Variants in CAST observed in about 807,000 individuals in gnomAD.
CAST encodes calpastatin, also known as MIR583 host.
In CAST, 76 loss-of-function variants were observed where a neutral mutation model predicts 119.6. That is an observed-to-expected ratio of 0.64 (90% CI 0.53 to 0.77). The LOEUF (loss-of-function observed/expected upper bound fraction) is 0.77. Among genes scored for constraint, CAST ranks in the 30% least tolerant of loss-of-function variants. The pLI, the probability that CAST is intolerant of heterozygous loss-of-function variation, is 0.00. For synonymous variants in CAST, 319 were observed against 331.6 expected (o/e 0.96, Z 0.41); for missense variants, 953 against 946.5 (o/e 1.01, Z -0.09).
At chr5:96,227,884 A>G in the CAST span, among the ~76,000 whole-genome samples, 1 of 152,136 alleles carries the variant, frequency 6.6e-6, no homozygotes, top group Non-Finnish European at 1.5e-5. Flanking sequence ...GTTTTGGCCA[A>G]CAATGTGTAA....
chr5:96,534,875 GAAAGAAAA>G (rs1474039532), intron 1 of CAST, among the ~76,000 whole-genome samples: 1 of 136,360 alleles, frequency 7.3e-6, no homozygotes, highest in East Asian at 2.2e-4. Flanking sequence ...GAAGGAGAAA[GAAAGAAAA>G]GAAAGAAAGA....
At chr5:96,400,930 AC>A in the CAST span, among the ~76,000 whole-genome samples, 1 of 151,452 alleles carries the variant, frequency 6.6e-6, no homozygotes, top group East Asian at 1.9e-4. Flanking sequence ...TACTAAAAAT[AC>A]AAAAAATTAG....
chr5:96,300,918 G>C, the CAST span, among the ~76,000 whole-genome samples: 6 of 145,856 alleles, frequency 4.1e-5, no homozygotes, highest in Non-Finnish European at 7.4e-5. Flanking sequence ...CGTTAATATA[G>C]AGAAATGCTA....
chr5:96,113,372 C>T, the CAST span, among the ~76,000 whole-genome samples: 3 of 152,228 alleles, frequency 2.0e-5, no homozygotes, highest in Admixed American at 2.0e-4. Flanking sequence ...GTGGGAACAA[C>T]AAACAGAAGT....
the CAST span, among the ~76,000 whole-genome samples, chr5:96,489,617 A>G: frequency 6.6e-6 from 1 of 152,100 alleles, no homozygotes; most frequent in Non-Finnish European, 1.5e-5. Context: ...GTAGGACTCA[A>G]TTTGCATGCT....
chr5:96,724,848 TA>T (rs34003204), intron 4 of CAST, among the ~76,000 whole-genome samples: 4 of 151,856 alleles, frequency 2.6e-5, no homozygotes, highest in African/African-American at 9.7e-5. Flanking sequence ...AATAAATAAA[TA>T]AATAATCTCA....
chr5:96,108,229 A>G, the CAST span, among the ~76,000 whole-genome samples: 1 of 152,208 alleles, frequency 6.6e-6, no homozygotes, highest in African/African-American at 2.4e-5. Context: ...CAGCTCGTCA[A>G]AGTCATTCTC....
chr5:96,544,275 A>G (rs1745965474), intron 1 of CAST, among the ~76,000 whole-genome samples: 2 of 152,142 alleles, frequency 1.3e-5, no homozygotes, highest in Non-Finnish European at 1.5e-5. Flanking sequence ...TCCTGTACAT[A>G]TTTTGCTAGA....
chr5:96,622,487 C>T (rs1747631663), intron 1 of CAST, among the ~76,000 whole-genome samples: 1 of 152,180 alleles, frequency 6.6e-6, no homozygotes, highest in African/African-American at 2.4e-5. Context: ...GGTCAGCTGT[C>T]ACTGGTGAAA....
At chr5:96,152,247 C>T in the CAST span, among the ~76,000 whole-genome samples, 1 of 152,188 alleles carries the variant, frequency 6.6e-6, no homozygotes, top group Non-Finnish European at 1.5e-5. Context: ...TGCTGATATA[C>T]ATTTGCTCAG....
intron 4 of CAST, among the ~76,000 whole-genome samples, chr5:96,725,587 T>C (rs1038657814): frequency 1.3e-5 from 2 of 152,212 alleles, no homozygotes; most frequent in Non-Finnish European, 2.9e-5. Context: ...CATTAGTTAT[T>C]ATGGTCATCA....
the CAST span, among the ~76,000 whole-genome samples, chr5:96,082,431 G>A: frequency 2.6e-5 from 4 of 152,208 alleles, no homozygotes; most frequent in Non-Finnish European, 5.9e-5. Flanking sequence ...CCATTCATGA[G>A]CAGCAGAAGG....
chr5:96,355,044 G>T, the CAST span, among the ~76,000 whole-genome samples: 1 of 151,820 alleles, frequency 6.6e-6, no homozygotes, highest in African/African-American at 2.4e-5. Context: ...TTAAGTTCAG[G>T]GATACATGTG....
At chr5:96,110,495 G>A in the CAST span, among the ~76,000 whole-genome samples, 2 of 152,160 alleles carry the variant, frequency 1.3e-5, no homozygotes, top group South Asian at 2.1e-4. Flanking sequence ...AGCTGGAGGG[G>A]TTGTCAAGGG....
At chr5:95,973,836 A>G in the CAST span, among the ~76,000 whole-genome samples, 1 of 152,162 alleles carries the variant, frequency 6.6e-6, no homozygotes, top group African/African-American at 2.4e-5. Flanking sequence ...CAAATGGATT[A>G]TTTCTCAACA....
At chr5:96,456,906 T>C in the CAST span, among the ~76,000 whole-genome samples, 1,424 of 152,312 alleles carry the variant, frequency 9.3e-3, 20 homozygotes, top group African/African-American at 0.032. Context: ...TTTGCCCCTT[T>C]TGCTTGGCAT....
chr5:96,684,292 GTTATTA>G lies in CAST; in HGVS notation c.138+8700_138+8705del, dbSNP rs1273070233. On this transcript the variant is annotated intron_variant, in intron 2 of 31. Coordinates refer to ENST00000675179, the MANE Select transcript of CAST (RefSeq NM_001750.7). ...TCTATAAATCTTACCTCCTGTTATT[GTTATTA>G]TTATTATTGGTGTTACTTTATTATT... Among the ~76,000 whole-genome samples the G allele has an allele frequency of 7.9e-5, 12 of 152,164 alleles. No homozygotes were observed. In the East Asian group the frequency reaches 1.9e-3, roughly 24 times the overall value.
chr5:96,317,798 T>C, the CAST span, among the ~76,000 whole-genome samples: 3 of 152,248 alleles, frequency 2.0e-5, no homozygotes, highest in Admixed American at 6.5e-5. Flanking sequence ...TGGAGGATCT[T>C]ATGGGTGTTT....
At chr5:96,551,216 C>G (rs1269207950) in intron 1 of CAST, among the ~76,000 whole-genome samples, 1 of 152,250 alleles carries the variant, frequency 6.6e-6, no homozygotes, top group African/African-American at 2.4e-5. Flanking sequence ...AACAGCAGAT[C>G]TCTCTGCAGA....
Sources: allele counts gnomAD v4.1 joint callset (sites outside exome capture counted in the v4.1 genomes callset), GRCh38; gene constraint gnomAD v4.1.1; transcripts MANE v1.5; gene names NCBI Gene and HGNC (gene_info 2026-07-23, HGNC 2026-07-21).